The following EXOC4 variants were observed in gnomAD, a reference collection of about 807,000 sequenced individuals.
EXOC4 encodes the protein exocyst complex component 4.
Under a neutral mutation model 107.2 loss-of-function variants are expected in EXOC4, and 71 were observed. That is an observed-to-expected ratio of 0.66 (90% CI 0.55 to 0.81). EXOC4 has a LOEUF of 0.81. Among genes scored for constraint, EXOC4 ranks in the 30% least tolerant of loss-of-function variants. The probability of loss-of-function intolerance (pLI) is 0.00; values close to 1 mark genes in which losing one functional copy is unlikely to be tolerated. For synonymous variants in EXOC4, 456 were observed against 441.2 expected (o/e 1.03, Z -0.42); for missense variants, 1,108 against 1,189.6 (o/e 0.93, Z 1.01).
At chr7:133,689,316 GA>G (rs372493729) in intron 10 of EXOC4, among the ~76,000 whole-genome samples, 3 of 150,872 alleles carry the variant, frequency 2.0e-5, no homozygotes, top group African/African-American at 4.9e-5. Context: ...AATTGTTAAA[GA>G]AAAAAAAATC....
chr7:133,255,977 C>A, intron 1 of EXOC4, among the ~76,000 whole-genome samples: 1 of 144,810 alleles, frequency 6.9e-6, no homozygotes, highest in East Asian at 2.1e-4. Flanking sequence ...ATTCATTATT[C>A]CTTTTTTTTT....
intron 17 of EXOC4, among the ~76,000 whole-genome samples, chr7:134,015,257 C>T (rs1234009916): frequency 6.6e-6 from 1 of 152,184 alleles, no homozygotes; most frequent in African/African-American, 2.4e-5. Context: ...AAGCGTATAT[C>T]TGACATATTT....
chr7:134,023,375 G>A (rs965291626), intron 17 of EXOC4, among the ~76,000 whole-genome samples: 1 of 152,028 alleles, frequency 6.6e-6, no homozygotes, highest in East Asian at 1.9e-4. Context: ...AATTGTCATA[G>A]CATTTCATTT....
At position 133,354,544 on chromosome 7, in the gene EXOC4, ACTGGCTGTTTAACTTCC is replaced by A. The variant is rs544004132; in HGVS notation, c.764-1781_764-1765del. Among the ~76,000 whole-genome samples, 100 of 152,276 alleles carry A rather than the reference ACTGGCTGTTTAACTTCC, an allele frequency of 6.6e-4. 4 individuals carry two copies. The South Asian group carries it at 0.02, about 31-fold the overall frequency. On this transcript the variant is annotated intron_variant, in intron 5 of 17. Coordinates refer to ENST00000253861, the MANE Select transcript of EXOC4 (RefSeq NM_021807.4). ...AAAATAAAGGCAGTAGGGGAAGGCT[ACTGGCTGTTTAACTTCC>A]CTGGAATTTACTTCAGCAAGAGTAG...
At chr7:133,369,275 G>A (rs1221548663) in intron 6 of EXOC4, among the ~76,000 whole-genome samples, 2 of 152,172 alleles carry the variant, frequency 1.3e-5, no homozygotes, top group African/African-American at 2.4e-5. Context: ...TCAGAGGAGC[G>A]TCGTCTTCCT....
At chr7:133,966,305 G>GAA (rs1295394899) in intron 14 of EXOC4, among the ~76,000 whole-genome samples, 1 of 152,160 alleles carries the variant, frequency 6.6e-6, no homozygotes, top group Admixed American at 6.5e-5. Context: ...CTTCCTATTT[G>GAA]AATATGCTTT....
At chr7:133,700,960 GC>G (rs1351904490) in intron 10 of EXOC4, among the ~76,000 whole-genome samples, 5 of 151,760 alleles carry the variant, frequency 3.3e-5, no homozygotes, top group Non-Finnish European at 7.4e-5. Context: ...GAGTAACATA[GC>G]AAGACCCTGT....
chr7:133,318,132 C>G (rs1274089896), intron 5 of EXOC4, among the ~76,000 whole-genome samples: 1 of 152,216 alleles, frequency 6.6e-6, no homozygotes, highest in African/African-American at 2.4e-5. Flanking sequence ...TATGCCCTCT[C>G]CACTTCTAAA....
At chr7:133,646,804 T>G (rs1181892226) in intron 10 of EXOC4, among the ~76,000 whole-genome samples, 1 of 152,194 alleles carries the variant, frequency 6.6e-6, no homozygotes, top group African/African-American at 2.4e-5. Flanking sequence ...GATGGATGCA[T>G]TTCTAATGCA....
intron 10 of EXOC4, among the ~76,000 whole-genome samples, chr7:133,784,367 C>T (rs1796526866): frequency 6.6e-6 from 1 of 152,104 alleles, no homozygotes; most frequent in African/African-American, 2.4e-5. Flanking sequence ...GTATATTGAC[C>T]TGATCATTCA....
chr7:133,516,017 T>G (rs1405128160), intron 9 of EXOC4, among the ~76,000 whole-genome samples: 1 of 152,190 alleles, frequency 6.6e-6, no homozygotes, highest in Non-Finnish European at 1.5e-5. Flanking sequence ...TATCTGCGAA[T>G]TGAACCATTG....
At chr7:133,280,390 G>A (rs1041083313) in intron 2 of EXOC4, among the ~76,000 whole-genome samples, 3 of 152,138 alleles carry the variant, frequency 2.0e-5, no homozygotes, top group Non-Finnish European at 2.9e-5. Context: ...AAATGGATAC[G>A]AGTTGATACA....
At chr7:133,343,106 T>C (rs1425874503) in intron 5 of EXOC4, among the ~76,000 whole-genome samples, 1 of 152,146 alleles carries the variant, frequency 6.6e-6, no homozygotes, top group African/African-American at 2.4e-5. Flanking sequence ...TGTTTTGTCA[T>C]ATTACCAGAA....
intron 14 of EXOC4, among the ~76,000 whole-genome samples, chr7:133,945,482 G>A (rs1377323601): frequency 6.6e-6 from 1 of 152,092 alleles, no homozygotes; most frequent in Non-Finnish European, 1.5e-5. Context: ...TGCCAGAGTC[G>A]GGACCACAGC....
rs1239937770 is a variant in EXOC4, at chr7:133,267,050, C to T, written c.87-7932C>T. On this transcript the variant is annotated intron_variant, in intron 1 of 17. Transcript: ENST00000253861. ...TTACATTTATTTGGTGGTGTTTAGCCCTGCATCTCTTTAGTCCCACTTTCT... is the reference window on the plus strand; with the variant it reads ...TTACATTTATTTGGTGGTGTTTAGCTCTGCATCTCTTTAGTCCCACTTTCT... Among the ~76,000 whole-genome samples, 5 of 152,148 alleles carry T rather than the reference C, an allele frequency of 3.3e-5. No homozygotes were observed. In the South Asian group the frequency reaches 8.3e-4, roughly 25 times the overall value.
At chr7:133,898,979 A>G (rs900718046) in intron 12 of EXOC4, among the ~76,000 whole-genome samples, 1 of 151,902 alleles carries the variant, frequency 6.6e-6, no homozygotes, top group African/African-American at 2.4e-5. Flanking sequence ...CTCCATCTCA[A>G]AAAATAAAAA....
At chr7:133,990,773 G>A (rs1585305119) in intron 14 of EXOC4, among the ~76,000 whole-genome samples, 1 of 152,122 alleles carries the variant, frequency 6.6e-6, no homozygotes, top group Non-Finnish European at 1.5e-5. Flanking sequence ...TTCTTTTTAT[G>A]GGTGAATAAT....
intron 9 of EXOC4, among the ~76,000 whole-genome samples, chr7:133,538,562 T>A (rs1800317451): frequency 1.3e-5 from 2 of 152,140 alleles, no homozygotes; most frequent in South Asian, 4.1e-4. Context: ...ATGCCTGTAA[T>A]CTCAGTACTA....
At chr7:133,963,305 G>C (rs1800988260) in intron 14 of EXOC4, among the ~76,000 whole-genome samples, 1 of 152,210 alleles carries the variant, frequency 6.6e-6, no homozygotes, top group Non-Finnish European at 1.5e-5. Context: ...CTCAGTGAAT[G>C]CTTTTTAGTT....
Sources: gnomAD v4.1 joint callset for allele counts (sites outside exome capture counted in the v4.1 genomes callset) on GRCh38, gnomAD v4.1.1 for gene constraint, MANE v1.5 for transcripts, NCBI Gene and HGNC (gene_info 2026-07-23, HGNC 2026-07-21) for gene names.